The following EBF2 variants were observed in gnomAD, a reference collection of about 807,000 sequenced individuals.
EBF2 encodes EBF transcription factor 2, also known as transcription factor COE2.
EBF2 carries 21 observed loss-of-function variants against 72.8 expected under a neutral mutation model. That is an observed-to-expected ratio of 0.29 (90% CI 0.20 to 0.42). The LOEUF (loss-of-function observed/expected upper bound fraction) is 0.42, where lower values mean the gene tolerates loss of function less well. Among genes scored for constraint, EBF2 ranks in the 10% least tolerant of loss-of-function variants. EBF2 has a pLI of 1.00. For synonymous variants in EBF2, 299 were observed against 274.2 expected, an observed-to-expected ratio of 1.09 and a Z score of -0.89; for missense variants, 637 against 731.2, an observed-to-expected ratio of 0.87 and a Z score of 1.49.
At chr8:25,863,957 C>A (rs76658908) in intron 10 of EBF2, among the ~76,000 whole-genome samples, 5,842 of 152,168 alleles carry the variant, frequency 0.038, 303 homozygotes, top group Admixed American at 0.1. Flanking sequence ...ATTAACTATT[C>A]TTTTATAACA....
chr8:25,908,640 A>T lies in EBF2; in HGVS notation c.552-85T>A, dbSNP rs1052996492. On this transcript the variant is annotated intron_variant, in intron 6 of 15. Coordinates refer to ENST00000520164, the MANE Select transcript of EBF2 (RefSeq NM_022659.4). ...GCTGCATTCCATTAGATTTGATTTG[A>T]CAGCGATTCTATTTCAGATCTGGGG... The T allele has an allele frequency of 6.6e-6, 6 of 905,400 alleles. No individual in the cohort carries two copies. In the African/African-American group the frequency reaches 8.3e-5, roughly 13 times the overall value. 56.1% of individuals were successfully genotyped at this position (905,400 alleles called of 1,614,324 possible).
intron 2 of EBF2, among the ~76,000 whole-genome samples, 181 bp downstream of exon 2, chr8:26,041,914 G>T (rs1585238894): frequency 6.6e-6 from 1 of 152,226 alleles, no homozygotes; most frequent in East Asian, 1.9e-4. Flanking sequence ...CAGGTTGGGG[G>T]AGTCGGGGTG....
Position 26,007,900 on chromosome 8 carries a change from T to TAA in EBF2, c.551+25183_551+25184dup, listed in dbSNP as rs201656932. ...ACTTGAAAAGTATAGCAGGTTTCCC[T>TAA]AAAAAAAAAAAAATAATAATTTTAT... On this transcript the variant is annotated intron_variant, in intron 6 of 15. Coordinates refer to ENST00000520164, the MANE Select transcript of EBF2 (RefSeq NM_022659.4). Among the ~76,000 whole-genome samples, 16 of 143,100 alleles carry TAA rather than the reference T, an allele frequency of 1.1e-4. 1 individual carries two copies. Among genetic ancestry groups the TAA allele is most frequent in the East Asian group, 8.0e-4 (4 of 4,992 alleles). 93.9% of individuals were successfully genotyped at this position (143,100 alleles called of 152,430 possible).
At chr8:25,866,942 A>G (rs1802341776) in intron 10 of EBF2, among the ~76,000 whole-genome samples, 1 of 151,936 alleles carries the variant, frequency 6.6e-6, no homozygotes, top group Non-Finnish European at 1.5e-5. Context: ...TATATTTTAT[A>G]TTTTCTAATA....
chr8:25,846,842 C>T (rs939748497), intron 15 of EBF2, among the ~76,000 whole-genome samples: 8 of 152,164 alleles, frequency 5.3e-5, no homozygotes, highest in African/African-American at 1.2e-4. Context: ...GTCCTACATC[C>T]AGACTGGGTA....
chr8:26,001,119 A>G (rs192368458), intron 6 of EBF2, among the ~76,000 whole-genome samples: 5 of 152,336 alleles, frequency 3.3e-5, no homozygotes, highest in African/African-American at 1.2e-4. Flanking sequence ...AATGAGCACC[A>G]AGTGCATGCT....
chr8:25,999,040 A>G (rs1338750199), intron 6 of EBF2, among the ~76,000 whole-genome samples: 1 of 152,222 alleles, frequency 6.6e-6, no homozygotes, highest in Non-Finnish European at 1.5e-5. Flanking sequence ...TGGAGAAGAA[A>G]GAGAGAAACT....
intron 6 of EBF2, among the ~76,000 whole-genome samples, chr8:26,004,302 G>A (rs1214986279): frequency 6.6e-6 from 1 of 152,140 alleles, no homozygotes; most frequent in African/African-American, 2.4e-5. Flanking sequence ...AAGATGAGCA[G>A]AGTAGAATGT....
intron 6 of EBF2, among the ~76,000 whole-genome samples, chr8:26,005,677 A>T (rs1206453031): frequency 6.8e-6 from 1 of 146,018 alleles, no homozygotes; most frequent in Non-Finnish European, 1.5e-5. Context: ...AAAAAAAATT[A>T]AAAATAAGCT....
intron 6 of EBF2, among the ~76,000 whole-genome samples, chr8:25,943,381 A>C (rs1803713190): frequency 6.6e-6 from 1 of 151,848 alleles, no homozygotes; most frequent in South Asian, 2.1e-4. Context: ...ATGCTGATGC[A>C]TACCTGTAGT....
intron 14 of EBF2, among the ~76,000 whole-genome samples, chr8:25,857,179 C>A (rs1802111514): frequency 6.6e-6 from 1 of 152,064 alleles, no homozygotes; most frequent in African/African-American, 2.4e-5. Flanking sequence ...CTTGTCTTTG[C>A]AGTAAGAAGA....
intron 6 of EBF2, among the ~76,000 whole-genome samples, chr8:25,915,336 C>G (rs926154838): frequency 8.0e-5 from 12 of 150,608 alleles, no homozygotes; most frequent in African/African-American, 2.9e-4. Context: ...CACAGGACAA[C>G]TGCCTTACTG....
At chr8:25,971,882 G>A (rs1448712253) in intron 6 of EBF2, among the ~76,000 whole-genome samples, 1 of 152,186 alleles carries the variant, frequency 6.6e-6, no homozygotes, top group East Asian at 1.9e-4. Flanking sequence ...CTGCTCTACA[G>A]CTCGAGCGGC....
chr8:25,863,477 C>A (rs1802247615), intron 10 of EBF2, among the ~76,000 whole-genome samples: 1 of 152,122 alleles, frequency 6.6e-6, no homozygotes, highest in Non-Finnish European at 1.5e-5. Flanking sequence ...GAATGGCATA[C>A]TTTAGCATTT....
At chr8:25,998,942 A>G (rs1804678472) in intron 6 of EBF2, among the ~76,000 whole-genome samples, 1 of 152,200 alleles carries the variant, frequency 6.6e-6, no homozygotes, top group South Asian at 2.1e-4. Context: ...CCCACTTGCC[A>G]GCGCCACTGA....
At chr8:26,011,548 A>G (rs934222499) in intron 6 of EBF2, among the ~76,000 whole-genome samples, 3 of 151,978 alleles carry the variant, frequency 2.0e-5, no homozygotes, top group Non-Finnish European at 2.9e-5. Flanking sequence ...TGATGCTGCA[A>G]CCAGGACCAT....
intron 6 of EBF2, among the ~76,000 whole-genome samples, chr8:26,002,754 T>C (rs1804752593): frequency 6.6e-6 from 1 of 152,140 alleles, no homozygotes; most frequent in African/African-American, 2.4e-5. Flanking sequence ...TCTCTCCCCC[T>C]GGGTGTGAAG....
intron 6 of EBF2, among the ~76,000 whole-genome samples, chr8:26,011,991 G>A (rs1179788908): frequency 2.0e-5 from 3 of 152,080 alleles, no homozygotes; most frequent in South Asian, 2.1e-4. Flanking sequence ...TGAAAGACCC[G>A]AAGTCTGAGA....
At chr8:25,908,103 G>A (rs980898894) in intron 7 of EBF2, among the ~76,000 whole-genome samples, 1 of 152,166 alleles carries the variant, frequency 6.6e-6, no homozygotes, top group Non-Finnish European at 1.5e-5. Context: ...GGGAAGACAG[G>A]AGCTGTTGCT....
Sources: gnomAD v4.1 joint callset for allele counts (sites outside exome capture counted in the v4.1 genomes callset) on GRCh38, gnomAD v4.1.1 for gene constraint, MANE v1.5 for transcripts, NCBI Gene and HGNC (gene_info 2026-07-23, HGNC 2026-07-21) for gene names.